Variants in PUM1 observed in about 807,000 individuals in gnomAD.
PUM1 encodes the protein pumilio homolog 1.
A neutral mutation model predicts 131.8 loss-of-function variants in PUM1; 13 were observed. That is an observed-to-expected ratio of 0.10 (90% CI 0.06 to 0.16). PUM1 has a LOEUF of 0.16. Among genes scored for constraint, PUM1 ranks in the 10% least tolerant of loss-of-function variants. PUM1 has a pLI of 1.00. For missense variants in PUM1, 961 were observed against 1,512.4 expected, an observed-to-expected ratio of 0.64 and a Z score of 6.05; for synonymous variants, 509 against 556.5, an observed-to-expected ratio of 0.91 and a Z score of 1.20.
At chr1:30,997,194 G>C (rs568785325) in intron 5 of PUM1, among the ~76,000 whole-genome samples, 16 of 152,086 alleles carry the variant, frequency 1.1e-4, no homozygotes, top group Non-Finnish European at 1.3e-4. Context: ...TTTCTCAAAA[G>C]GAGTTCAAAA....
intron 10 of PUM1, among the ~76,000 whole-genome samples, chr1:30,973,315 T>TGA (rs1641004874): frequency 1.3e-5 from 2 of 151,992 alleles, no homozygotes; most frequent in Non-Finnish European, 2.9e-5. Flanking sequence ...CAAAAAATTC[T>TGA]TGTTTGGATC....
At chr1:31,032,806 C>CA (rs1414754701) in intron 2 of PUM1, among the ~76,000 whole-genome samples, 5 of 151,956 alleles carry the variant, frequency 3.3e-5, no homozygotes, top group Non-Finnish European at 5.9e-5. Flanking sequence ...GACCCTGTTT[C>CA]AAAAATAAAA....
chr1:31,014,032 T>C (rs1368871889), intron 3 of PUM1, among the ~76,000 whole-genome samples: 1 of 152,182 alleles, frequency 6.6e-6, no homozygotes, highest in Non-Finnish European at 1.5e-5. Flanking sequence ...CCAGGTATGA[T>C]GGCTGATTCC....
chr1:31,026,944 CAAAA>C (rs35459131), intron 3 of PUM1, among the ~76,000 whole-genome samples: 3 of 106,512 alleles, frequency 2.8e-5, no homozygotes, highest in Non-Finnish European at 4.2e-5. Context: ...ACATATACCA[CAAAA>C]AAAAAAAAAA....
chr1:31,057,672 C>A (rs1443964733), intron 2 of PUM1, among the ~76,000 whole-genome samples: 1 of 140,394 alleles, frequency 7.1e-6, no homozygotes, highest in African/African-American at 2.7e-5. Context: ...TTGCAGTGAG[C>A]CGAGATTGTG....
rs186404300 is a variant in PUM1, at chr1:30,992,309, C to T, written c.1158+81G>A. On this transcript the variant is annotated intron_variant, in intron 7 of 21. Transcript: ENST00000426105. ...AGCCTGAAACAATGCCACCACCTCC[C>T]CCATCCCCCCATTCTTAATTACTTG... 8.4e-4 allele frequency: 1,282 copies of T among 1,532,966 alleles called. 5 individuals are homozygous for T. Among genetic ancestry groups the T allele is most frequent in the Non-Finnish European group, 5.9e-4 (670 of 1,131,092 alleles). 95.0% of individuals were successfully genotyped at this position (1,532,966 alleles called of 1,614,324 possible). A position where few individuals can be genotyped will look rare whatever the true frequency, so the allele number is the denominator to read the frequency against.
intron 2 of PUM1, among the ~76,000 whole-genome samples, chr1:31,057,724 C>CAAAAAAA (rs58490041): frequency 2.1e-4 from 15 of 72,466 alleles, no homozygotes; most frequent in African/African-American, 3.6e-4. Context: ...GACTCCATCT[C>CAAAAAAA]AAAAAAAAAA....
intron 2 of PUM1, among the ~76,000 whole-genome samples, chr1:31,038,982 ATATT>A (rs1321127366): frequency 6.4e-4 from 18 of 27,972 alleles, no homozygotes; most frequent in African/African-American, 4.0e-3. Flanking sequence ...ATATATATAT[ATATT>A]TTTTTTTTTT....
At chr1:31,019,852 C>T (rs547861943) in intron 3 of PUM1, among the ~76,000 whole-genome samples, 1 of 151,992 alleles carries the variant, frequency 6.6e-6, no homozygotes, top group Admixed American at 6.5e-5. Context: ...GTTATGTTAT[C>T]TACAGGTTAC....
rs373548328 is a variant in PUM1, at chr1:30,934,840, G to A, written c.3436-1498C>T. Among the ~76,000 whole-genome samples the A allele has an allele frequency of 3.4e-4, 51 of 152,132 alleles. No individual in the cohort carries two copies. The East Asian group carries it at 8.5e-3, about 25-fold the overall frequency. On this transcript the variant is annotated intron_variant, in intron 21 of 21. Coordinates refer to ENST00000426105, the MANE Select transcript of PUM1 (RefSeq NM_001020658.2). ...AAACAAAACAAAAAACCCCTAACAA[G>A]CCACACACACACATGTTGAACTCCA...
intron 20 of PUM1, 87 bp from the exon 21 acceptor site, chr1:30,936,922 C>T (rs754499819): frequency 1.5e-5 from 17 of 1,157,078 alleles, no homozygotes; most frequent in Non-Finnish European, 1.8e-5. Context: ...CCCTGACCTC[C>T]GGACCAGCAG....
At chr1:30,957,033 TTTTGCCTCTTATCTCC>T (rs1640194135) in intron 14 of PUM1, among the ~76,000 whole-genome samples, 1 of 151,628 alleles carries the variant, frequency 6.6e-6, no homozygotes, top group Non-Finnish European at 1.5e-5. Flanking sequence ...AAGTTTTGAT[TTTTGCCTCTTATCTCC>T]TTAGATGTCA....
intron 2 of PUM1, among the ~76,000 whole-genome samples, chr1:31,039,719 G>C (rs950380225): frequency 4.6e-5 from 7 of 151,792 alleles, no homozygotes; most frequent in African/African-American, 1.7e-4. Context: ...TGGCTGACAT[G>C]GTAAAACCCC....
chr1:30,973,204 G>A (rs61570972), intron 10 of PUM1: 3,060 of 147,768 alleles, frequency 0.021, 110 homozygotes, highest in African/African-American at 0.071. Context: ...TCCAAATAAC[G>A]GGGGGAATTT....
At chr1:30,986,127 G>A (rs980226261) in intron 7 of PUM1, among the ~76,000 whole-genome samples, 9 of 152,100 alleles carry the variant, frequency 5.9e-5, no homozygotes, top group Admixed American at 2.0e-4. Context: ...GCTAATTTTT[G>A]TATTTTTACT....
chr1:31,064,874 TTTGTGAGGACTAAAACTAGTA>T (rs1160820483), intron 1 of PUM1, among the ~76,000 whole-genome samples: 1 of 150,614 alleles, frequency 6.6e-6, no homozygotes, highest in East Asian at 1.9e-4. Context: ...ACCAAGCATG[TTTGTGAGGACTAAAACTAGTA>T]TTGTGTATCT....
intron 14 of PUM1, among the ~76,000 whole-genome samples, chr1:30,957,654 G>A (rs1180132003): frequency 6.6e-6 from 1 of 152,134 alleles, no homozygotes; most frequent in Admixed American, 6.5e-5. Context: ...GTATATAAGG[G>A]ATTTCTGCCA....
chr1:30,963,208 C>T (rs1017783827), intron 14 of PUM1, among the ~76,000 whole-genome samples: 2 of 152,156 alleles, frequency 1.3e-5, no homozygotes, highest in African/African-American at 4.8e-5. Flanking sequence ...GGTCAGTGAA[C>T]ATTACTTCCT....
chr1:31,029,122 C>G (rs1361393220), intron 2 of PUM1, among the ~76,000 whole-genome samples: 1 of 152,138 alleles, frequency 6.6e-6, no homozygotes, highest in Non-Finnish European at 1.5e-5. Flanking sequence ...AATGAAAAAG[C>G]AAATTCCATC....
Sources: allele counts gnomAD v4.1 joint callset (sites outside exome capture counted in the v4.1 genomes callset), GRCh38; gene constraint gnomAD v4.1.1; transcripts MANE v1.5; gene names NCBI Gene and HGNC (gene_info 2026-07-23, HGNC 2026-07-21).